VTI1A: variants seen among roughly 807,000 people sequenced by gnomAD.
VTI1A encodes the protein vesicle transport through interaction with t-SNAREs 1A.
In VTI1A, 22 loss-of-function variants were observed where a neutral mutation model predicts 34.9. The ratio of observed to expected loss-of-function variants is 0.63; its 90% CI spans 0.45 to 0.90. VTI1A has a LOEUF of 0.90. Ranked by LOEUF, VTI1A falls within the 40% of genes least tolerant of loss-of-function variation. VTI1A has a pLI of 0.00. For synonymous variants in VTI1A, 87 were observed against 97.3 expected (o/e 0.89, Z 0.62); for missense variants, 268 against 275.6 (o/e 0.97, Z 0.20).
At chr10:112,681,190 C>T (rs1280771435) in intron 7 of VTI1A, among the ~76,000 whole-genome samples, 2 of 151,816 alleles carry the variant, frequency 1.3e-5, no homozygotes, top group African/African-American at 2.4e-5. Context: ...ATCCTTCCAC[C>T]TCCACCTTAG....
intron 3 of VTI1A, among the ~76,000 whole-genome samples, chr10:112,468,547 T>C (rs1847977331): frequency 6.6e-6 from 1 of 152,166 alleles, no homozygotes; most frequent in Admixed American, 6.5e-5. Context: ...TTTATGCCCA[T>C]GGGGAGGGGC....
At chr10:112,746,417 A>G (rs371176372) in intron 7 of VTI1A, among the ~76,000 whole-genome samples, 11 of 152,338 alleles carry the variant, frequency 7.2e-5, no homozygotes, top group African/African-American at 2.2e-4. Context: ...CCTGGCACCT[A>G]CAGAAAAAAG....
At chr10:112,618,524 T>TATATATAGAGAGAGAGAGAGAGAGAGAG (rs748276058) in intron 5 of VTI1A, among the ~76,000 whole-genome samples, 12 of 34,586 alleles carry the variant, frequency 3.5e-4, no homozygotes, top group African/African-American at 9.7e-4. Context: ...TATATATATA[T>TATATATAGAGAGAGAGAGAGAGAGAGAG]AGAGAGAGAG....
intron 3 of VTI1A, among the ~76,000 whole-genome samples, chr10:112,493,757 A>G (rs1449281408): frequency 1.3e-5 from 2 of 152,162 alleles, no homozygotes; most frequent in African/African-American, 2.4e-5. Context: ...GTGTTAATAT[A>G]TATTGCATTA....
intron 5 of VTI1A, among the ~76,000 whole-genome samples, chr10:112,609,032 C>A (rs1239614040): frequency 6.6e-6 from 1 of 152,068 alleles, no homozygotes; most frequent in Non-Finnish European, 1.5e-5. Context: ...AGTTGGAAAT[C>A]GAAATCTATA....
chr10:112,722,441 A>G (rs1029422593), intron 7 of VTI1A, among the ~76,000 whole-genome samples: 1 of 152,172 alleles, frequency 6.6e-6, no homozygotes, highest in Non-Finnish European at 1.5e-5. Flanking sequence ...GCACACCAAC[A>G]TGGCACATGT....
At chr10:112,654,455 A>G (rs1015442386) in intron 5 of VTI1A, among the ~76,000 whole-genome samples, 1 of 152,108 alleles carries the variant, frequency 6.6e-6, no homozygotes, top group African/African-American at 2.4e-5. Context: ...ACTCTTTCAG[A>G]ATATGCCCCA....
intron 5 of VTI1A, among the ~76,000 whole-genome samples, chr10:112,654,270 T>G (rs769989960): frequency 6.6e-5 from 10 of 152,176 alleles, no homozygotes; most frequent in Non-Finnish European, 1.5e-4. Context: ...TAAGCAAGAT[T>G]ATCAAAATCC....
intron 7 of VTI1A, among the ~76,000 whole-genome samples, chr10:112,763,863 T>C: frequency 6.6e-6 from 1 of 152,200 alleles, no homozygotes; most frequent in South Asian, 2.1e-4. Flanking sequence ...TGTGGTAAAC[T>C]GGGTGCCAAT....
chr10:112,686,975 G>C (rs1419238455), intron 7 of VTI1A, among the ~76,000 whole-genome samples: 2 of 152,088 alleles, frequency 1.3e-5, no homozygotes, highest in Non-Finnish European at 2.9e-5. Flanking sequence ...TTGCTGCCTT[G>C]ATCATGCAGC....
chr10:112,707,567 G>A (rs1849244870), intron 7 of VTI1A, among the ~76,000 whole-genome samples: 1 of 152,018 alleles, frequency 6.6e-6, no homozygotes, highest in Non-Finnish European at 1.5e-5. Flanking sequence ...CTCCTGACCT[G>A]GTGGTCTGCC....
At chr10:112,827,875 C>T in the VTI1A span, 6 of 152,112 alleles carry the variant, frequency 3.9e-5, no homozygotes, top group African/African-American at 1.4e-4. Context: ...AATGATGAAA[C>T]TTGGAAAGAT....
intron 5 of VTI1A, among the ~76,000 whole-genome samples, chr10:112,631,615 G>C (rs1161549538): frequency 1.3e-5 from 2 of 152,122 alleles, no homozygotes; most frequent in Non-Finnish European, 2.9e-5. Flanking sequence ...TTTATGGTTG[G>C]GAATATTGAT....
chr10:112,758,198 GA>G (rs1851351702), intron 7 of VTI1A, among the ~76,000 whole-genome samples: 1 of 152,160 alleles, frequency 6.6e-6, no homozygotes, highest in Non-Finnish European at 1.5e-5. Flanking sequence ...GCTCATAGAG[GA>G]GGGGGGTCTT....
chr10:112,843,151 G>A, the VTI1A span, among the ~76,000 whole-genome samples: 3 of 152,180 alleles, frequency 2.0e-5, no homozygotes, highest in Non-Finnish European at 2.9e-5. Context: ...CTCCTTCTTC[G>A]CCTCCCAATT....
At chr10:112,702,777 GATTTC>G (rs1315528637) in intron 7 of VTI1A, among the ~76,000 whole-genome samples, 1 of 152,156 alleles carries the variant, frequency 6.6e-6, no homozygotes, top group Non-Finnish European at 1.5e-5. Context: ...GTAGAGATGG[GATTTC>G]ACCATATTGG....
chr10:112,842,042 T>C, the VTI1A span, among the ~76,000 whole-genome samples: 1 of 137,972 alleles, frequency 7.2e-6, no homozygotes, highest in Non-Finnish European at 1.6e-5. Flanking sequence ...CTTTTCTTTT[T>C]TTTTTTTCCT....
intron 3 of VTI1A, chr10:112,464,880 C>A (rs17129806): frequency 1.8e-6 from 1 of 551,246 alleles, no homozygotes; most frequent in African/African-American, 1.9e-5. Context: ...CCAAATCATG[C>A]GGCCCTTTGA....
At chr10:112,743,246 A>G (rs1043587286) in intron 7 of VTI1A, among the ~76,000 whole-genome samples, 1 of 152,186 alleles carries the variant, frequency 6.6e-6, no homozygotes, top group Non-Finnish European at 1.5e-5. Context: ...CCCTGCAACA[A>G]TGAGCAGACC....
Sources: allele counts gnomAD v4.1 joint callset (sites outside exome capture counted in the v4.1 genomes callset), GRCh38; gene constraint gnomAD v4.1.1; transcripts MANE v1.5; gene names NCBI Gene and HGNC (gene_info 2026-07-23, HGNC 2026-07-21).